Variants in ANKS1B observed in about 807,000 individuals in gnomAD.
ANKS1B encodes the protein ankyrin repeat and sterile alpha motif domain-containing protein 1B.
Under a neutral mutation model 148.3 loss-of-function variants are expected in ANKS1B, and 36 were observed. The ratio of observed to expected loss-of-function variants is 0.24; its 90% CI spans 0.19 to 0.32. The LOEUF is 0.32. ANKS1B is among the 10% of genes least tolerant of loss of function. ANKS1B has a pLI of 1.00. For synonymous variants in ANKS1B, 542 were observed against 560.8 expected, an observed-to-expected ratio of 0.97 and a Z score of 0.47; for missense variants, 1,157 against 1,542.6, an observed-to-expected ratio of 0.75 and a Z score of 4.19.
At chr12:99,184,897 A>G (rs925032161) in intron 14 of ANKS1B, among the ~76,000 whole-genome samples, 3 of 152,250 alleles carry the variant, frequency 2.0e-5, no homozygotes, top group African/African-American at 7.2e-5. Context: ...CTCTGGTTAA[A>G]TGGAAATTGA....
chr12:98,810,410 A>C (rs940223026), intron 19 of ANKS1B, among the ~76,000 whole-genome samples: 1 of 152,196 alleles, frequency 6.6e-6, no homozygotes, highest in Non-Finnish European at 1.5e-5. Flanking sequence ...AGCTCTTGTA[A>C]CACATTGAAT....
chr12:99,214,524 G>A (rs1316987902), intron 14 of ANKS1B, among the ~76,000 whole-genome samples: 1 of 152,178 alleles, frequency 6.6e-6, no homozygotes, highest in Non-Finnish European at 1.5e-5. Context: ...TTTCTTGCCT[G>A]CCATCACGTA....
intron 9 of ANKS1B, among the ~76,000 whole-genome samples, chr12:99,623,896 A>G (rs926345126): frequency 6.6e-6 from 1 of 152,098 alleles, no homozygotes; most frequent in Non-Finnish European, 1.5e-5. Flanking sequence ...CAGAACTAGA[A>G]AAAAACTACT....
At chr12:99,280,332 G>A (rs770324979) in intron 12 of ANKS1B, among the ~76,000 whole-genome samples, 11 of 152,108 alleles carry the variant, frequency 7.2e-5, no homozygotes, top group Non-Finnish European at 1.2e-4. Flanking sequence ...CACCATAAAT[G>A]TCTTCTCCTT....
chr12:99,406,534 A>C (rs1384501470), intron 11 of ANKS1B, among the ~76,000 whole-genome samples: 1 of 145,406 alleles, frequency 6.9e-6, no homozygotes, highest in Non-Finnish European at 1.5e-5. Flanking sequence ...AGCAGAACTA[A>C]CAGGAAAATT....
At chr12:99,156,190 A>G (rs2076032489) in intron 14 of ANKS1B, among the ~76,000 whole-genome samples, 1 of 152,120 alleles carries the variant, frequency 6.6e-6, no homozygotes. Context: ...CACTACTGAA[A>G]TCAGTCCCCA....
intron 1 of ANKS1B, among the ~76,000 whole-genome samples, chr12:99,886,390 C>A (rs754768879): frequency 6.6e-6 from 1 of 152,204 alleles, no homozygotes; most frequent in Non-Finnish European, 1.5e-5. Flanking sequence ...ATATTCTGTA[C>A]ATATTTTTAA....
intron 17 of ANKS1B, among the ~76,000 whole-genome samples, chr12:98,920,070 C>A (rs2099799418): frequency 6.6e-6 from 1 of 152,164 alleles, no homozygotes; most frequent in Non-Finnish European, 1.5e-5. Context: ...ACTCTGGAGG[C>A]CAGATATTCA....
intron 12 of ANKS1B, among the ~76,000 whole-genome samples, chr12:99,308,990 G>T (rs1161969126): frequency 1.3e-5 from 2 of 150,750 alleles, no homozygotes; most frequent in Non-Finnish European, 3.0e-5. Flanking sequence ...TGTAATAGAT[G>T]TGTATACTAC....
chr12:99,531,795 G>T (rs769550544), intron 9 of ANKS1B, among the ~76,000 whole-genome samples: 7 of 152,164 alleles, frequency 4.6e-5, no homozygotes, highest in African/African-American at 9.7e-5. Flanking sequence ...TTCCATAGAG[G>T]TTTTACTAAT....
At chr12:98,740,071 G>A (rs2097790497), downstream of ANKS1B, among the ~76,000 whole-genome samples, 1 of 152,142 alleles carries the variant, frequency 6.6e-6, no homozygotes. Flanking sequence ...AAAGAAGACT[G>A]GGAATGAGGG....
intron 16 of ANKS1B, among the ~76,000 whole-genome samples, chr12:99,060,192 T>G (rs975366142): frequency 1.1e-5 from 1 of 92,942 alleles, no homozygotes; most frequent in Non-Finnish European, 2.3e-5. Flanking sequence ...TTGAGATATA[T>G]TAACATATTT....
At chr12:99,475,281 A>C (rs2096300731) in intron 10 of ANKS1B, among the ~76,000 whole-genome samples, 1 of 151,524 alleles carries the variant, frequency 6.6e-6, no homozygotes, top group African/African-American at 2.4e-5. Flanking sequence ...CAAAAGCTTA[A>C]GTTTTAAAGT....
chr12:99,930,106 A>C (rs1317339002), intron 1 of ANKS1B, among the ~76,000 whole-genome samples: 3 of 151,802 alleles, frequency 2.0e-5, no homozygotes, highest in East Asian at 3.9e-4. Context: ...CCATTTTCAC[A>C]ATATTGATTC....
At chr12:98,794,924 T>C in intron 22 of ANKS1B, 1 of 1,394,360 alleles carries the variant, frequency 7.2e-7, no homozygotes, top group Non-Finnish European at 1.0e-6. Flanking sequence ...GAAGAGAAAA[T>C]GGCACAGCAG....
intron 12 of ANKS1B, among the ~76,000 whole-genome samples, chr12:99,380,275 T>C (rs1482932550): frequency 6.6e-6 from 1 of 152,262 alleles, no homozygotes; most frequent in Non-Finnish European, 1.5e-5. Context: ...GCTGCTCAAA[T>C]GTTTTTATAA....
intron 14 of ANKS1B, among the ~76,000 whole-genome samples, chr12:99,236,493 G>C (rs2087966286): frequency 6.6e-6 from 1 of 152,140 alleles, no homozygotes; most frequent in South Asian, 2.1e-4. Flanking sequence ...AAGACCATCA[G>C]GTCTCGTGAG....
chr12:99,835,539 T>A (rs560158263), intron 1 of ANKS1B, among the ~76,000 whole-genome samples: 9 of 152,358 alleles, frequency 5.9e-5, no homozygotes, highest in Admixed American at 4.6e-4. Flanking sequence ...TTATTTAACC[T>A]AGTATATCAA....
Position 98,842,936 on chromosome 12 carries a change from T to C in ANKS1B, c.2779-10800A>G, listed in dbSNP as rs563453103. Among the ~76,000 whole-genome samples, 9 of 152,334 alleles carry C rather than the reference T, an allele frequency of 5.9e-5. No homozygotes were observed. The South Asian group carries it at 6.2e-4, about 11-fold the overall frequency. On this transcript the variant is annotated intron_variant, in intron 17 of 26. Coordinates refer to ENST00000683438, the MANE Select transcript of ANKS1B (RefSeq NM_001352186.2). ...TTGAGGGTCTTAATCCTCCAAGTCATAACACTTCAGTAAAAATGTTTATGC... is the reference window on the plus strand; with the variant it reads ...TTGAGGGTCTTAATCCTCCAAGTCACAACACTTCAGTAAAAATGTTTATGC...
Sources: gnomAD v4.1 joint callset for allele counts (sites outside exome capture counted in the v4.1 genomes callset) on GRCh38, gnomAD v4.1.1 for gene constraint, MANE v1.5 for transcripts, NCBI Gene and HGNC (gene_info 2026-07-23, HGNC 2026-07-21) for gene names.